CLVS2: variants seen among roughly 807,000 people sequenced by gnomAD.
CLVS2 encodes clavesin-2.
Under a neutral mutation model 29.0 loss-of-function variants are expected in CLVS2, and 19 were observed. That is an observed-to-expected ratio of 0.66 (90% CI 0.46 to 0.96). CLVS2 has a LOEUF of 0.96. Among genes scored for constraint, CLVS2 ranks in the 40% least tolerant of loss-of-function variants. CLVS2 has a pLI of 0.00. For synonymous variants in CLVS2, 161 were observed against 151.3 expected (o/e 1.06, Z -0.47); for missense variants, 294 against 404.1 (o/e 0.73, Z 2.34).
At chr6:123,002,511 C>T (rs1266673441) in intron 2 of CLVS2, among the ~76,000 whole-genome samples, 1 of 151,838 alleles carries the variant, frequency 6.6e-6, no homozygotes, top group Non-Finnish European at 1.5e-5. Flanking sequence ...CAATTTAAAA[C>T]ATAGCCATAG....
In CLVS2 at chr6:123,071,402, C is replaced by G. The variant is rs1772946207; in HGVS notation, c.*7641C>G. The G allele has an allele frequency of 6.6e-6, 1 of 151,960 alleles. No homozygotes were observed. The highest frequency in any genetic ancestry group is 6.6e-5 in the Admixed American group (1 of 15,190). The allele number at this position is 151,960 out of a possible 1,614,324, so 9.4% of individuals were successfully genotyped here. On this transcript the variant is annotated 3_prime_UTR_variant, in exon 6 of 6. Transcript: ENST00000275162. ...CTATCCCTGAGCCTAAGTTTTACAT[C>G]AGTATTTCAGTTTTGTCTTTAGAAG...
chr6:123,024,652 G>A (rs1029571580), intron 3 of CLVS2, among the ~76,000 whole-genome samples: 1 of 152,116 alleles, frequency 6.6e-6, no homozygotes, highest in African/African-American at 2.4e-5. Flanking sequence ...TTCAGGATAA[G>A]TAGTCATCAA....
At chr6:123,024,259 C>T (rs73769343) in intron 3 of CLVS2, among the ~76,000 whole-genome samples, 316 of 152,214 alleles carry the variant, frequency 2.1e-3, no homozygotes, top group African/African-American at 6.9e-3. Context: ...TGATTAAAAA[C>T]GATTATCATA....
At chr6:123,044,870 C>T (rs1772457310) in intron 3 of CLVS2, among the ~76,000 whole-genome samples, 1 of 152,046 alleles carries the variant, frequency 6.6e-6, no homozygotes, top group African/African-American at 2.4e-5. Context: ...TAACTTTTCC[C>T]TTTGGCTTAG....
intron 2 of CLVS2, among the ~76,000 whole-genome samples, chr6:123,005,257 T>G (rs1774650686): frequency 6.6e-6 from 1 of 152,204 alleles, no homozygotes; most frequent in Admixed American, 6.5e-5. Context: ...TTATTATTAT[T>G]ACCACTCAGT....
chr6:123,037,626 G>A (rs1439725500), intron 3 of CLVS2, among the ~76,000 whole-genome samples: 3 of 151,936 alleles, frequency 2.0e-5, no homozygotes, highest in Non-Finnish European at 4.4e-5. Flanking sequence ...TGCTTACCCA[G>A]CCCTGACCCT....
At chr6:123,000,040 C>T (rs1222781698) in intron 2 of CLVS2, among the ~76,000 whole-genome samples, 1 of 152,176 alleles carries the variant, frequency 6.6e-6, no homozygotes, top group African/African-American at 2.4e-5. Context: ...CCCTAGAAAT[C>T]TATAATGGAA....
At chr6:123,010,652 G>T (rs1266171345) in intron 2 of CLVS2, among the ~76,000 whole-genome samples, 1 of 151,930 alleles carries the variant, frequency 6.6e-6, no homozygotes, top group Non-Finnish European at 1.5e-5. Context: ...ATTACTGAAG[G>T]CATTCTTGAA....
At chr6:123,040,624 C>T (rs1325587928) in intron 3 of CLVS2, among the ~76,000 whole-genome samples, 1 of 152,100 alleles carries the variant, frequency 6.6e-6, no homozygotes, top group African/African-American at 2.4e-5. Context: ...GAAACCCTGT[C>T]TCTACTAAAA....
chr6:123,056,067 A>G (rs753654320), intron 5 of CLVS2, 41 bp downstream of exon 5: 2 of 1,357,560 alleles, frequency 1.5e-6, no homozygotes, highest in East Asian at 2.3e-5. Flanking sequence ...GGGCCAGGGC[A>G]GGGAGAGGCA....
intron 3 of CLVS2, among the ~76,000 whole-genome samples, chr6:123,022,861 C>T (rs368955273): frequency 2.6e-5 from 4 of 152,156 alleles, no homozygotes; most frequent in South Asian, 4.1e-4. Context: ...CACATTCTGC[C>T]TCACATAGAA....
At position 123,053,112 on chromosome 6, in the gene CLVS2, C is replaced by T. The variant is rs578187214; in HGVS notation, c.676-2694C>T. 2.0e-5 allele frequency among the ~76,000 whole-genome samples: 3 copies of T among 152,132 alleles called. No homozygotes were observed. In the South Asian group the frequency reaches 6.2e-4, roughly 32 times the overall value. On this transcript the variant is annotated intron_variant, in intron 4 of 5. Coordinates refer to ENST00000275162, the MANE Select transcript of CLVS2 (RefSeq NM_001010852.4). ...CTGTAATCCCAGCACTTTGGGAGGC[C>T]AAGGCGAGTGGATCATGAGGTCAGG...
intron 3 of CLVS2, among the ~76,000 whole-genome samples, chr6:123,048,396 C>G (rs1244640222): frequency 6.6e-6 from 1 of 152,034 alleles, no homozygotes; most frequent in East Asian, 1.9e-4. Flanking sequence ...AAATTCTTAT[C>G]AATAACCTAT....
intron 3 of CLVS2, among the ~76,000 whole-genome samples, chr6:123,030,922 A>G (rs1024179743): frequency 1.3e-5 from 2 of 150,660 alleles, no homozygotes; most frequent in Admixed American, 1.3e-4. Flanking sequence ...TATGTATCTC[A>G]TATATCTCAT....
At chr6:123,017,223 T>G (rs1048756100) in intron 3 of CLVS2, among the ~76,000 whole-genome samples, 4 of 152,078 alleles carry the variant, frequency 2.6e-5, no homozygotes, top group Non-Finnish European at 5.9e-5. Context: ...CAGTGTTCTT[T>G]GCAGTGGTTG....
chr6:123,061,718 G>A (rs908688974), intron 5 of CLVS2, among the ~76,000 whole-genome samples: 2 of 152,052 alleles, frequency 1.3e-5, no homozygotes, highest in African/African-American at 4.8e-5. Context: ...AAACAGTCAG[G>A]AAACACACAG....
intron 3 of CLVS2, among the ~76,000 whole-genome samples, chr6:123,016,894 G>A (rs1774842403): frequency 1.3e-5 from 2 of 151,998 alleles, no homozygotes; most frequent in Non-Finnish European, 2.9e-5. Flanking sequence ...ACACATTCTG[G>A]CTCTAAGCGT....
chr6:123,006,455 G>C lies in CLVS2; in HGVS notation c.390-4530G>C, dbSNP rs1774670526. On this transcript the variant is annotated intron_variant, in intron 2 of 5. Transcript: ENST00000275162. ...ACAATAGAGGGTAGGCAAGATTTCT[G>C]GAAGAGAAAGATGGGAGAGAAAGAA... Among the ~76,000 whole-genome samples the C allele has an allele frequency of 2.0e-5, 3 of 152,038 alleles. No individual in the cohort carries two copies. In the South Asian group the frequency reaches 6.2e-4, roughly 32 times the overall value.
intron 5 of CLVS2, 79 bp from the exon 6 acceptor site, chr6:123,063,595 T>C: frequency 1.3e-6 from 1 of 774,468 alleles, no homozygotes; most frequent in Non-Finnish European, 2.2e-6. Context: ...CTGGGAGAAG[T>C]AATGACAAAA....
Sources: allele counts gnomAD v4.1 joint callset (sites outside exome capture counted in the v4.1 genomes callset), GRCh38; gene constraint gnomAD v4.1.1; transcripts MANE v1.5; gene names NCBI Gene and HGNC (gene_info 2026-07-23, HGNC 2026-07-21).